ADGRL3: variants seen among roughly 807,000 people sequenced by gnomAD.
ADGRL3 encodes the protein adhesion G protein-coupled receptor L3.
A neutral mutation model predicts 153.5 loss-of-function variants in ADGRL3; 62 were observed. That is an observed-to-expected ratio of 0.40 (90% CI 0.33 to 0.50). ADGRL3 has a LOEUF of 0.50. ADGRL3 is among the 20% of genes least tolerant of loss of function. ADGRL3 has a pLI of 0.47. For missense variants in ADGRL3, 1,641 were observed against 1,859.4 expected, an observed-to-expected ratio of 0.88 and a Z score of 2.16; for synonymous variants, 710 against 672.5, an observed-to-expected ratio of 1.06 and a Z score of -0.86.
At chr4:61,904,488 C>T (rs2098686033) in intron 11 of ADGRL3, among the ~76,000 whole-genome samples, 1 of 152,056 alleles carries the variant, frequency 6.6e-6, no homozygotes, top group Non-Finnish European at 1.5e-5. Flanking sequence ...TACATTTTGA[C>T]TTATTGGTCA....
At chr4:61,894,512 G>A (rs62304417) in intron 10 of ADGRL3, among the ~76,000 whole-genome samples, 4,087 of 152,222 alleles carry the variant, frequency 0.027, 63 homozygotes, top group Middle Eastern at 0.065. Flanking sequence ...TGTGGTCTCA[G>A]TTCCTTTACT....
chr4:61,884,008 T>C (rs2098523253), intron 9 of ADGRL3, among the ~76,000 whole-genome samples: 1 of 152,180 alleles, frequency 6.6e-6, no homozygotes, highest in Admixed American at 6.5e-5. Context: ...GGTAGCTTTT[T>C]CCATAAGGCT....
chr4:62,052,160 T>C (rs1451495789), intron 25 of ADGRL3, among the ~76,000 whole-genome samples: 7 of 151,654 alleles, frequency 4.6e-5, no homozygotes, highest in African/African-American at 1.7e-4. Context: ...AGGCAACATC[T>C]AGATGCCAAA....
chr4:61,607,325 G>A (rs960074175), intron 5 of ADGRL3, among the ~76,000 whole-genome samples: 109 of 152,112 alleles, frequency 7.2e-4, no homozygotes, highest in African/African-American at 2.4e-3. Context: ...CTGGCCAGGC[G>A]CAGTGGCTCA....
chr4:61,569,304 A>T (rs1424928780), intron 4 of ADGRL3, among the ~76,000 whole-genome samples: 1 of 152,158 alleles, frequency 6.6e-6, no homozygotes, highest in Admixed American at 6.6e-5. Flanking sequence ...ATTCACCTAA[A>T]GTATACAATT....
At chr4:61,662,550 C>T (rs2094634103) in intron 5 of ADGRL3, among the ~76,000 whole-genome samples, 2 of 152,300 alleles carry the variant, frequency 1.3e-5, no homozygotes, top group Middle Eastern at 3.4e-3. Context: ...AAGGTGGGGG[C>T]TGAGGGTAGC....
intron 4 of ADGRL3, among the ~76,000 whole-genome samples, chr4:61,525,584 T>C (rs1408327339): frequency 6.6e-6 from 1 of 151,926 alleles, no homozygotes; most frequent in Non-Finnish European, 1.5e-5. Context: ...TAGGATAGAG[T>C]GGGACTTAAA....
intron 9 of ADGRL3, among the ~76,000 whole-genome samples, chr4:61,877,498 G>T (rs565277544): frequency 2.1e-4 from 32 of 152,138 alleles, no homozygotes; most frequent in African/African-American, 7.7e-4. Context: ...ATCTGTACAT[G>T]AGATAAAATT....
chr4:61,806,715 A>G (rs1003422571), intron 8 of ADGRL3, among the ~76,000 whole-genome samples: 2 of 152,124 alleles, frequency 1.3e-5, no homozygotes, highest in Non-Finnish European at 2.9e-5. Flanking sequence ...AAGTAAAAAT[A>G]CAGATTCAAG....
At chr4:61,505,207 T>C (rs2098419575) in intron 3 of ADGRL3, among the ~76,000 whole-genome samples, 1 of 152,186 alleles carries the variant, frequency 6.6e-6, no homozygotes, top group Admixed American at 6.5e-5. Context: ...ATTAGTGATG[T>C]TGAGCATTTT....
intron 6 of ADGRL3, among the ~76,000 whole-genome samples, chr4:61,680,571 G>A (rs2095314849): frequency 6.6e-6 from 1 of 151,740 alleles, no homozygotes; most frequent in South Asian, 2.1e-4. Context: ...AGTCAATAAA[G>A]TTCATTGTAT....
At chr4:61,869,214 G>A (rs905010029) in intron 9 of ADGRL3, among the ~76,000 whole-genome samples, 3 of 152,144 alleles carry the variant, frequency 2.0e-5, no homozygotes, top group Non-Finnish European at 4.4e-5. Context: ...AATGTGCTGG[G>A]TTTATAGGTG....
chr4:61,980,100 A>G (rs2099062287), intron 18 of ADGRL3, among the ~76,000 whole-genome samples: 1 of 152,126 alleles, frequency 6.6e-6, no homozygotes, highest in Non-Finnish European at 1.5e-5. Context: ...TTCATTTTCA[A>G]CATCCTCCAC....
At chr4:61,833,312 C>T (rs146163018) in intron 9 of ADGRL3, among the ~76,000 whole-genome samples, 34 of 152,182 alleles carry the variant, frequency 2.2e-4, no homozygotes, top group Admixed American at 3.9e-4. Flanking sequence ...TCACCTTGCC[C>T]GCTGCGTAGA....
chr4:61,367,717 T>C (rs1385787608), intron 1 of ADGRL3, among the ~76,000 whole-genome samples: 10 of 140,796 alleles, frequency 7.1e-5, no homozygotes, highest in African/African-American at 1.6e-4. Flanking sequence ...TGTGTCTTTA[T>C]AGCAGCATGA....
chr4:61,562,196 T>A lies in ADGRL3; in HGVS notation c.260-25031T>A, dbSNP rs540278433. Among the ~76,000 whole-genome samples the A allele has an allele frequency of 6.6e-5, 10 of 152,316 alleles. No homozygotes were observed. The East Asian group carries it at 1.9e-3, about 29-fold the overall frequency. ...ATAAAAACAGTATACATACCTTAAT[T>A]AAATTACTTTAAATTGCCAAAGATC... On this transcript the variant is annotated intron_variant, in intron 4 of 26. Transcript: ENST00000683033.
At chr4:61,637,150 C>T (rs1312587314) in intron 5 of ADGRL3, among the ~76,000 whole-genome samples, 1 of 152,112 alleles carries the variant, frequency 6.6e-6, no homozygotes, top group Non-Finnish European at 1.5e-5. Flanking sequence ...AGAACATGAT[C>T]TTATTAGAAA....
chr4:61,489,279 A>G (rs1367260926), intron 2 of ADGRL3, among the ~76,000 whole-genome samples: 6 of 151,862 alleles, frequency 4.0e-5, no homozygotes, highest in African/African-American at 1.4e-4. Flanking sequence ...TAAAGCTCCT[A>G]TTATGTCCTG....
chr4:61,587,068 A>G (rs2098949395), intron 4 of ADGRL3, among the ~76,000 whole-genome samples, 159 bp from the exon 5 acceptor site: 1 of 152,156 alleles, frequency 6.6e-6, no homozygotes, highest in Admixed American at 6.6e-5. Flanking sequence ...TTATAAAGTT[A>G]CTGAAGAGAA....
Sources: allele counts gnomAD v4.1 joint callset (sites outside exome capture counted in the v4.1 genomes callset), GRCh38; gene constraint gnomAD v4.1.1; transcripts MANE v1.5; gene names NCBI Gene and HGNC (gene_info 2026-07-23, HGNC 2026-07-21).